SEMA5A: variants seen among roughly 807,000 people sequenced by gnomAD.
The protein encoded by SEMA5A is semaphorin-5A.
SEMA5A carries 55 observed loss-of-function variants against 135.5 expected under a neutral mutation model. That is an observed-to-expected ratio of 0.41 (90% CI 0.33 to 0.51). SEMA5A has a LOEUF of 0.51. Ranked by LOEUF, SEMA5A falls within the 20% of genes least tolerant of loss-of-function variation. SEMA5A has a pLI of 0.37. For missense variants in SEMA5A, 1,290 were observed against 1,419.9 expected (o/e 0.91, Z 1.47); for synonymous variants, 580 against 546.5 (o/e 1.06, Z -0.85).
chr5:9,082,237 T>C (rs893843185), intron 16 of SEMA5A, among the ~76,000 whole-genome samples: 1 of 152,228 alleles, frequency 6.6e-6, no homozygotes, highest in Non-Finnish European at 1.5e-5. Flanking sequence ...ACCCTTCTTC[T>C]GCCCAATGTA....
chr5:9,069,794 A>G (rs1737675633), intron 16 of SEMA5A, among the ~76,000 whole-genome samples: 1 of 152,152 alleles, frequency 6.6e-6, no homozygotes, highest in Admixed American at 6.5e-5. Flanking sequence ...TTATTATGGC[A>G]TCTTTTGAAT....
At chr5:9,298,144 A>C (rs2150602648) in intron 5 of SEMA5A, among the ~76,000 whole-genome samples, 1 of 152,050 alleles carries the variant, frequency 6.6e-6, no homozygotes, top group East Asian at 1.9e-4. Context: ...AGAGGTAATC[A>C]AGTTAAAATG....
intron 8 of SEMA5A, among the ~76,000 whole-genome samples, chr5:9,220,219 G>T (rs1746856573): frequency 6.6e-6 from 1 of 152,176 alleles, no homozygotes; most frequent in African/African-American, 2.4e-5. Context: ...GTTGGCAGGG[G>T]AGTGGGGGAT....
intron 16 of SEMA5A, among the ~76,000 whole-genome samples, chr5:9,075,152 T>C (rs984583317): frequency 6.6e-6 from 1 of 152,216 alleles, no homozygotes; most frequent in Admixed American, 6.5e-5. Context: ...AAGTAGAAAT[T>C]AATCCACAAT....
At chr5:9,271,249 G>A (rs971857575) in intron 5 of SEMA5A, among the ~76,000 whole-genome samples, 4 of 152,096 alleles carry the variant, frequency 2.6e-5, no homozygotes, top group African/African-American at 9.7e-5. Context: ...CACCATAATT[G>A]TAAGTTTCCT....
chr5:9,453,719 G>A (rs931136508), intron 1 of SEMA5A, among the ~76,000 whole-genome samples: 5 of 152,326 alleles, frequency 3.3e-5, no homozygotes, highest in Non-Finnish European at 1.5e-5. Context: ...TCCCCTAGGA[G>A]CAGTGGTTCA....
intron 3 of SEMA5A, among the ~76,000 whole-genome samples, chr5:9,356,843 T>G (rs1754471509): frequency 1.3e-5 from 2 of 152,296 alleles, no homozygotes; most frequent in African/African-American, 4.8e-5. Flanking sequence ...AAGTAAGAGC[T>G]CCTTTCTTCC....
chr5:9,347,118 C>A (rs1014860946), intron 3 of SEMA5A, among the ~76,000 whole-genome samples: 4 of 152,186 alleles, frequency 2.6e-5, no homozygotes, highest in African/African-American at 9.6e-5. Flanking sequence ...AAAAAAGACC[C>A]AAAATAGCAG....
At chr5:9,499,059 C>A in intron 1 of SEMA5A, among the ~76,000 whole-genome samples, 1 of 152,112 alleles carries the variant, frequency 6.6e-6, no homozygotes, top group Admixed American at 6.5e-5. Context: ...ACATAGGCAG[C>A]GAAAGGTCCT....
At chr5:9,148,284 T>C (rs749292186) in intron 12 of SEMA5A, among the ~76,000 whole-genome samples, 29 of 152,306 alleles carry the variant, frequency 1.9e-4, no homozygotes, top group Non-Finnish European at 3.7e-4. Context: ...AGGTAGATGA[T>C]AATCTAACTT....
At chr5:9,072,583 C>A (rs190465888) in intron 16 of SEMA5A, among the ~76,000 whole-genome samples, 36 of 152,200 alleles carry the variant, frequency 2.4e-4, no homozygotes, top group Middle Eastern at 3.4e-3. Context: ...CTTCAAAGAG[C>A]AAAACCAAAA....
rs755089293 is a variant in SEMA5A, at chr5:9,311,582, G to T, written c.270+6790C>A. Among the ~76,000 whole-genome samples the T allele has an allele frequency of 2.7e-4, 37 of 137,090 alleles. 1 individual carries two copies. Among genetic ancestry groups the T allele is most frequent in the Admixed American group, 1.0e-3 (14 of 13,696 alleles). The allele number at this position is 137,090 out of a possible 152,430, so 89.9% of individuals were successfully genotyped here. ...CACAGGAAGGGGAACATCACACTCC[G>T]GGGACTGTTGTGGGGTCGGGGGAGG... On this transcript the variant is annotated intron_variant, in intron 5 of 22. Transcript: ENST00000382496.
chr5:9,060,683 C>T (rs1737136278), intron 18 of SEMA5A, among the ~76,000 whole-genome samples: 1 of 152,030 alleles, frequency 6.6e-6, no homozygotes, highest in South Asian at 2.1e-4. Flanking sequence ...AGCAGAGACA[C>T]CCTAGGAGGA....
At chr5:9,354,949 G>A (rs1206614905) in intron 3 of SEMA5A, among the ~76,000 whole-genome samples, 3 of 152,214 alleles carry the variant, frequency 2.0e-5, no homozygotes, top group Non-Finnish European at 4.4e-5. Context: ...GGACAGGAGT[G>A]TAACGAGAGA....
intron 5 of SEMA5A, among the ~76,000 whole-genome samples, chr5:9,240,280 A>G (rs538195169): frequency 6.6e-6 from 1 of 152,194 alleles, no homozygotes; most frequent in African/African-American, 2.4e-5. Flanking sequence ...AGAATTAATT[A>G]AAGACCATGA....
intron 11 of SEMA5A, among the ~76,000 whole-genome samples, chr5:9,180,717 G>A (rs1479987218): frequency 2.0e-5 from 3 of 152,002 alleles, no homozygotes; most frequent in Non-Finnish European, 4.4e-5. Flanking sequence ...GTCAAGTTCT[G>A]TTCCTCACTC....
intron 18 of SEMA5A, among the ~76,000 whole-genome samples, chr5:9,061,810 T>A (rs188592572): frequency 6.8e-6 from 1 of 147,360 alleles, no homozygotes; most frequent in East Asian, 2.0e-4. Flanking sequence ...GAGAGAAGAG[T>A]TTGCGTCTTT....
intron 10 of SEMA5A, among the ~76,000 whole-genome samples, chr5:9,191,806 G>A (rs112111186): frequency 8.6e-5 from 13 of 151,950 alleles, no homozygotes; most frequent in African/African-American, 2.7e-4. Context: ...GACTGTGTGA[G>A]TTTAGGTGAA....
At chr5:9,162,786 G>T (rs1176415936) in intron 11 of SEMA5A, among the ~76,000 whole-genome samples, 1 of 151,740 alleles carries the variant, frequency 6.6e-6, no homozygotes, top group Admixed American at 6.6e-5. Flanking sequence ...GTTAAGGTTG[G>T]AAGGGACGTA....
Sources: gnomAD v4.1 joint callset for allele counts (sites outside exome capture counted in the v4.1 genomes callset) on GRCh38, gnomAD v4.1.1 for gene constraint, MANE v1.5 for transcripts, NCBI Gene and HGNC (gene_info 2026-07-23, HGNC 2026-07-21) for gene names.